CNGB3: variants seen among roughly 807,000 people sequenced by gnomAD.
CNGB3 encodes cyclic nucleotide-gated channel beta-3.
In CNGB3, 86 loss-of-function variants were observed where a neutral mutation model predicts 92.8. The observed-to-expected ratio is 0.93, with a 90% CI of 0.78 to 1.11. CNGB3 has a LOEUF of 1.11. CNGB3 is among the 50% of genes least tolerant of loss of function. The pLI is 0.00. For synonymous variants in CNGB3, 333 were observed against 332.7 expected (o/e 1.00, Z -0.01); for missense variants, 1,026 against 956.8 (o/e 1.07, Z -0.95).
chr8:86,729,611 G>A (rs1410807508), intron 2 of CNGB3, among the ~76,000 whole-genome samples: 1 of 152,088 alleles, frequency 6.6e-6, no homozygotes, highest in Non-Finnish European at 1.5e-5. Flanking sequence ...TCCTATTCTT[G>A]GCTTCAAAGC....
chr8:86,589,272 A>G (rs1821969281), intron 15 of CNGB3, among the ~76,000 whole-genome samples: 1 of 149,966 alleles, frequency 6.7e-6, no homozygotes, highest in Admixed American at 6.7e-5. Context: ...AATTTTGTTG[A>G]TCCTTTCAAA....
intron 10 of CNGB3, 60 bp downstream of exon 10, chr8:86,643,691 T>G: frequency 6.4e-7 from 1 of 1,562,314 alleles, no homozygotes; most frequent in Non-Finnish European, 8.8e-7. Context: ...CATAAATTCA[T>G]ACAATGAAAC....
At chr8:86,635,228 G>A (rs903772364) in intron 10 of CNGB3, among the ~76,000 whole-genome samples, 3 of 151,706 alleles carry the variant, frequency 2.0e-5, no homozygotes, top group South Asian at 4.2e-4. Context: ...GATTTATTTT[G>A]GTCACCGGTT....
At chr8:86,687,374 C>T (rs1824208940) in intron 3 of CNGB3, among the ~76,000 whole-genome samples, 2 of 151,852 alleles carry the variant, frequency 1.3e-5, no homozygotes, top group South Asian at 4.1e-4. Context: ...GAAGTACTGG[C>T]ACATGCTATA....
At chr8:86,686,867 G>A (rs550339586) in intron 3 of CNGB3, among the ~76,000 whole-genome samples, 12 of 152,042 alleles carry the variant, frequency 7.9e-5, no homozygotes, top group Middle Eastern at 3.4e-3. Flanking sequence ...CTTGTATGCA[G>A]GGAAAATTCA....
At chr8:86,688,836 C>T (rs144609424) in intron 3 of CNGB3, among the ~76,000 whole-genome samples, 13 of 151,536 alleles carry the variant, frequency 8.6e-5, no homozygotes, top group Non-Finnish European at 1.6e-4. Flanking sequence ...TTTTACTGTA[C>T]TGATTTTGGG....
chr8:86,722,991 A>G (rs769612599), intron 3 of CNGB3, among the ~76,000 whole-genome samples: 5 of 152,088 alleles, frequency 3.3e-5, no homozygotes, highest in Admixed American at 6.6e-5. Flanking sequence ...ATTTCCCTAT[A>G]TATGCATATA....
intron 3 of CNGB3, among the ~76,000 whole-genome samples, chr8:86,707,352 A>G (rs1007255493): frequency 6.6e-6 from 1 of 152,258 alleles, no homozygotes; most frequent in African/African-American, 2.4e-5. Context: ...ATGAAGGAAA[A>G]CAAAGTAAGG....
chr8:86,715,510 A>G (rs1008086822), intron 3 of CNGB3, among the ~76,000 whole-genome samples: 3 of 151,994 alleles, frequency 2.0e-5, no homozygotes, highest in South Asian at 2.1e-4. Flanking sequence ...TCACCACATC[A>G]TGGGAGCACC....
At chr8:86,742,516 C>A (rs553461058) in intron 1 of CNGB3, among the ~76,000 whole-genome samples, 3 of 152,200 alleles carry the variant, frequency 2.0e-5, no homozygotes, top group Admixed American at 2.0e-4. Context: ...CTCATTTAAA[C>A]CCGAACCATT....
intron 1 of CNGB3, 95 bp from the exon 2 acceptor site, chr8:86,739,831 C>G: frequency 2.9e-6 from 4 of 1,367,600 alleles, no homozygotes; most frequent in Non-Finnish European, 3.1e-6. Flanking sequence ...AATTGTCAAT[C>G]AGATCATTAA....
At chr8:86,624,617 A>T (rs948820598) in intron 13 of CNGB3, among the ~76,000 whole-genome samples, 2 of 151,792 alleles carry the variant, frequency 1.3e-5, no homozygotes, top group Non-Finnish European at 2.9e-5. Context: ...TCCTCCCGTA[A>T]TATTCCCTCC....
At position 86,726,542 on chromosome 8, in the gene CNGB3, T is replaced by G. The variant is rs1319190071; in HGVS notation, c.327A>C (p.Glu109Asp). Residue 109 changes from glutamate (E) to aspartate (D), a missense_variant, in exon 3 of 18, where the codon GAA (glutamate) becomes GAC (aspartate). Coordinates refer to ENST00000320005, the MANE Select transcript of CNGB3 (RefSeq NM_019098.5). Reference protein sequence around the residue: ...PEQKEMDPGKEGPNSPQNKPP... With the variant: ...PEQKEMDPGKDGPNSPQNKPP... ...TATTAAATGCTCACCTGTTTGGACC[T>G]TCTTTCCCGGGGTCCATTTCCTTCT... 6.2e-7 allele frequency: 1 copy of G among 1,613,850 alleles called. No homozygotes were observed. Among genetic ancestry groups the G allele is most frequent in the South Asian group, 1.1e-5 (1 of 91,084 alleles).
At chr8:86,661,091 T>C (rs1823632303) in intron 6 of CNGB3, 1 of 218,648 alleles carries the variant, frequency 4.6e-6, no homozygotes, top group East Asian at 1.2e-4. Flanking sequence ...CCCATATGAG[T>C]CAGTAAAAAT....
chr8:86,619,319 G>T (rs1005648202), intron 13 of CNGB3, among the ~76,000 whole-genome samples: 9 of 152,124 alleles, frequency 5.9e-5, no homozygotes, highest in Admixed American at 5.2e-4. Context: ...TAAATCATCA[G>T]AAATGAGGGG....
At chr8:86,677,977 T>A (rs1824008130) in intron 3 of CNGB3, among the ~76,000 whole-genome samples, 2 of 152,320 alleles carry the variant, frequency 1.3e-5, no homozygotes, top group East Asian at 1.9e-4. Context: ...TAAGAATTAA[T>A]TCATTTTTCA....
At chr8:86,659,940 G>A (rs1374263076) in intron 6 of CNGB3, 2 of 344,108 alleles carry the variant, frequency 5.8e-6, no homozygotes, top group Non-Finnish European at 1.2e-5. Flanking sequence ...TTGAAGAGTT[G>A]TCCTGGGCTC....
Position 86,574,501 on chromosome 8 carries a change from C to G in CNGB3, c.*1303G>C, listed in dbSNP as rs17683284. 3 of 152,272 alleles carry G rather than the reference C, an allele frequency of 2.0e-5. No individual in the cohort carries two copies. The highest frequency in any genetic ancestry group is 2.9e-5 in the Non-Finnish European group (2 of 67,998). 9.4% of individuals were successfully genotyped at this position (152,272 alleles called of 1,614,324 possible). ...AACACTACATGCAAAAACGGTGACT[C>G]TATCAAATGATGCAGTTTATTATAG... On this transcript the variant is annotated 3_prime_UTR_variant, in exon 18 of 18. Coordinates refer to ENST00000320005, the MANE Select transcript of CNGB3 (RefSeq NM_019098.5).
At chr8:86,729,668 C>T (rs528732893) in intron 2 of CNGB3, among the ~76,000 whole-genome samples, 4 of 152,306 alleles carry the variant, frequency 2.6e-5, no homozygotes, top group Admixed American at 6.5e-5. Context: ...CAAAAGAATG[C>T]CTGTCAACTA....
Sources: allele counts gnomAD v4.1 joint callset (sites outside exome capture counted in the v4.1 genomes callset), GRCh38; gene constraint gnomAD v4.1.1; transcripts MANE v1.5; gene names NCBI Gene and HGNC (gene_info 2026-07-23, HGNC 2026-07-21).